Variants in SVEP1 observed in about 807,000 individuals in gnomAD.
SVEP1 encodes sushi, von Willebrand factor type A, EGF and pentraxin domain containing 1.
In SVEP1, 164 loss-of-function variants were observed where a neutral mutation model predicts 367.3. The ratio of observed to expected loss-of-function variants is 0.45; its 90% CI spans 0.39 to 0.51. The LOEUF (loss-of-function observed/expected upper bound fraction) is 0.51, where lower values mean the gene tolerates loss of function less well. Ranked by LOEUF, SVEP1 falls within the 20% of genes least tolerant of loss-of-function variation. The pLI is 0.00. For missense variants in SVEP1, 4,117 were observed against 4,425.3 expected (o/e 0.93, Z 1.98); for synonymous variants, 1,666 against 1,611.6 (o/e 1.03, Z -0.81).
rs938452006 is a variant in SVEP1 at position 110,502,339 on chromosome 9, T to C, written c.1483+699A>G. Reference sequence around the variant, plus strand: ...AGGCTGGTCTGCAGCTCTGACCTCATGATTTGTTCACCTCAGCCTCCCAAA... The same window carrying C: ...AGGCTGGTCTGCAGCTCTGACCTCACGATTTGTTCACCTCAGCCTCCCAAA... On this transcript the variant is annotated intron_variant, in intron 6 of 47. Transcript: ENST00000374469. Among the ~76,000 whole-genome samples the C allele has an allele frequency of 9.9e-5, 15 of 151,990 alleles. 1 individual carries two copies.
At chr9:110,491,094 C>T (rs1166952039) in intron 8 of SVEP1, among the ~76,000 whole-genome samples, 1 of 151,790 alleles carries the variant, frequency 6.6e-6, no homozygotes, top group Non-Finnish European at 1.5e-5. Context: ...TCTTAAAAAT[C>T]ACTCACTGAT....
At chr9:110,519,497 C>T (rs1829851253) in intron 3 of SVEP1, among the ~76,000 whole-genome samples, 1 of 152,154 alleles carries the variant, frequency 6.6e-6, no homozygotes, top group African/African-American at 2.4e-5. Flanking sequence ...AATTTTGTTG[C>T]CTTCTCGCGG....
In SVEP1 at chr9:110,482,380, A is replaced by T; in HGVS notation, c.2151T>A (p.Asp717Glu). ...CAATACCTTTTATGACAATATGGAT[A>T]TCACATGTCCTGTTATTGCCTGAGG... Reference protein sequence around the residue: ...TDPSGNNRTCDIHIVIKGSPC... With the variant: ...TDPSGNNRTCEIHIVIKGSPC... Residue 717 changes from aspartate to glutamate, a missense_variant, in exon 11 of 48, where the codon GAT (aspartate) becomes GAA (glutamate). Coordinates refer to ENST00000374469, the MANE Select transcript of SVEP1 (RefSeq NM_153366.4). The T allele has an allele frequency of 6.2e-7, 1 of 1,612,538 alleles. No homozygotes were observed. The highest frequency in any genetic ancestry group is 8.5e-7 in the Non-Finnish European group (1 of 1,179,390).
intron 8 of SVEP1, among the ~76,000 whole-genome samples, chr9:110,492,164 G>A (rs923374556): frequency 5.3e-5 from 8 of 152,088 alleles, no homozygotes; most frequent in African/African-American, 1.9e-4. Flanking sequence ...TACCAAATGA[G>A]ATGAATCACA....
intron 1 of SVEP1, among the ~76,000 whole-genome samples, chr9:110,558,733 G>A (rs1830386660): frequency 6.6e-6 from 1 of 152,022 alleles, no homozygotes; most frequent in African/African-American, 2.4e-5. Context: ...AGATAAAAAT[G>A]CCAGAAATTC....
chr9:110,425,699 G>A (rs1828243853), intron 36 of SVEP1, among the ~76,000 whole-genome samples: 1 of 152,162 alleles, frequency 6.6e-6, no homozygotes, highest in South Asian at 2.1e-4. Flanking sequence ...ACGTTAGGCA[G>A]ACATAAAACT....
In SVEP1 at chr9:110,450,214, G is replaced by A. The variant is rs1828671225; in HGVS notation, c.3948C>T (p.Cys1316=). Residue 1316 remains cysteine, a synonymous_variant, in exon 24 of 48, where the codon TGC becomes TGT. Transcript: ENST00000374469. ...TEVNECQSNP[C]LNNAVCEDQV... ...GGTCTTCACAGACTGCATTATTTAA[G>A]CATGGGTTTGACTGGCATTCATTGA... 1 of 1,613,740 alleles carries A rather than the reference G, an allele frequency of 6.2e-7. No individual in the cohort carries two copies. The highest frequency in any genetic ancestry group is 8.5e-7 in the Non-Finnish European group (1 of 1,179,824).
intron 18 of SVEP1, 106 bp from the exon 19 acceptor site, chr9:110,459,219 T>C: frequency 9.4e-7 from 1 of 1,062,404 alleles, no homozygotes; most frequent in Non-Finnish European, 1.4e-6. Flanking sequence ...ATTATCTATA[T>C]AATCTCTTCC....
rs770335736 is a variant in SVEP1, at chr9:110,411,320, G to C, written c.6391C>G (p.Gln2131Glu). ...ATGGACATGGGGGAAGGGTTCCACT[G>C]CCCACCTCTCATACATTCAATCTTT... Reference protein sequence around the residue: ...SAKIECMRGGQWNPSPMSIQC... With the variant: ...SAKIECMRGGEWNPSPMSIQC... Residue 2131 changes from glutamine to glutamate, a missense_variant, in exon 37 of 48, where the codon CAG becomes GAG. Around this residue, in one of 4 missense-constraint regions of SVEP1, gnomAD observed 1,765 missense variants for 1,781.1 expected, o/e 0.99. Coordinates refer to ENST00000374469, the MANE Select transcript of SVEP1 (RefSeq NM_153366.4). The C allele has an allele frequency of 1.2e-6, 2 of 1,613,896 alleles. No homozygotes were observed. The highest frequency in any genetic ancestry group is 2.7e-5 in the African/African-American group (2 of 74,928).
chr9:110,475,946 C>T, intron 14 of SVEP1: 2 of 331,934 alleles, frequency 6.0e-6, no homozygotes, highest in Non-Finnish European at 5.4e-6. Flanking sequence ...TGAATTTTAC[C>T]AGCATATGTG....
chr9:110,390,227 T>A (rs1827621453), intron 40 of SVEP1, among the ~76,000 whole-genome samples: 3 of 108,858 alleles, frequency 2.8e-5, no homozygotes, highest in Admixed American at 1.8e-4. Context: ...GTATATATAC[T>A]TATATAAGTA....
rs1262925142 is a variant in SVEP1 at position 110,427,666 on chromosome 9, G to A, written c.5900C>T (p.Pro1967Leu). The A allele has an allele frequency of 6.2e-7, 1 of 1,613,978 alleles. No individual in the cohort carries two copies. The highest frequency in any genetic ancestry group is 1.7e-5 in the Admixed American group (1 of 60,014). Residue 1967 changes from proline to leucine, a missense_variant, in exon 36 of 48, where the codon CCT (proline) becomes CTT (leucine). By Grantham distance (98) the Pro-to-Leu change is moderately conservative. Coordinates refer to ENST00000374469, the MANE Select transcript of SVEP1 (RefSeq NM_153366.4). Reference sequence around the variant, plus strand: ...CGTAATGACAGCATCTTTGATGGCAGGTGGTTCTCCACAGAAGACGAGGTG... The same window carrying A: ...CGTAATGACAGCATCTTTGATGGCAAGTGGTTCTCCACAGAAGACGAGGTG... ...ACHLVFCGEP[P>L]AIKDAVITGN...
At chr9:110,541,823 ATATATAT>A (rs1830151263) in intron 3 of SVEP1, among the ~76,000 whole-genome samples, 2 of 142,036 alleles carry the variant, frequency 1.4e-5, no homozygotes, top group South Asian at 2.2e-4. Context: ...ATAGATATCT[ATATATAT>A]CTATATACAT....
At chr9:110,386,772 C>T (rs1827530243) in intron 42 of SVEP1, among the ~76,000 whole-genome samples, 2 of 152,376 alleles carry the variant, frequency 1.3e-5, no homozygotes, top group South Asian at 4.1e-4. Context: ...GTGAGGTACA[C>T]TTCCGCTGTT....
rs761921014 is a variant in SVEP1, at chr9:110,406,565, A to G, written c.9035T>C (p.Ile3012Thr). The G allele has an allele frequency of 3.1e-5, 50 of 1,613,540 alleles. No homozygotes were observed. Among genetic ancestry groups the G allele is most frequent in the Non-Finnish European group, 4.2e-5 (49 of 1,179,780 alleles). ...TGTCCCATTGACAGTTCCATATTCAATTACTGGTGTGGAACATCTGCAAGG... is the reference window on the plus strand; with the variant it reads ...TGTCCCATTGACAGTTCCATATTCAGTTACTGGTGTGGAACATCTGCAAGG... ...CLPCRCSTPV[I>T]EYGTVNGTDF... The change falls in exon 38 of 48, where the codon ATT (isoleucine) becomes ACT (threonine). Residue 3012 changes from isoleucine to threonine, a missense_variant. This residue lies in a region of SVEP1 where 1,765 missense variants were observed against 1,781.1 expected (regional missense o/e 0.99). Transcript: ENST00000374469.
At chr9:110,390,085 A>G (rs1442725549) in intron 40 of SVEP1, among the ~76,000 whole-genome samples, 3 of 89,112 alleles carry the variant, frequency 3.4e-5, no homozygotes, top group East Asian at 3.8e-4. Context: ...ATACGTGTAT[A>G]TATACACATA....
chr9:110,562,674 C>T (rs144358964), intron 1 of SVEP1, among the ~76,000 whole-genome samples: 2 of 152,144 alleles, frequency 1.3e-5, no homozygotes, highest in East Asian at 1.9e-4. Flanking sequence ...GCAAGAATGC[C>T]TCATCACTTT....
intron 3 of SVEP1, among the ~76,000 whole-genome samples, chr9:110,520,186 T>C (rs1829859735): frequency 6.6e-6 from 1 of 152,172 alleles, no homozygotes; most frequent in South Asian, 2.1e-4. Context: ...TTCATAATGA[T>C]AATGAAAAAC....
At chr9:110,521,529 T>C (rs535953092) in intron 3 of SVEP1, among the ~76,000 whole-genome samples, 1 of 152,314 alleles carries the variant, frequency 6.6e-6, no homozygotes, top group Non-Finnish European at 1.5e-5. Context: ...AGAGGTTGCA[T>C]CAGCAAAGTA....
Sources: allele counts gnomAD v4.1 joint callset (sites outside exome capture counted in the v4.1 genomes callset), GRCh38; gene constraint gnomAD v4.1.1; regional missense constraint gnomAD v4.1.1; transcripts MANE v1.5; gene names NCBI Gene and HGNC (gene_info 2026-07-23, HGNC 2026-07-21).